The following UBE3A variants were observed in gnomAD, a reference collection of about 807,000 sequenced individuals.
UBE3A encodes the protein ubiquitin-protein ligase E3A.
UBE3A carries 6 observed loss-of-function variants against 83.4 expected under a neutral mutation model. That is an observed-to-expected ratio of 0.07 (90% CI 0.04 to 0.14). The LOEUF (loss-of-function observed/expected upper bound fraction) is 0.14. Among genes scored for constraint, UBE3A ranks in the 10% least tolerant of loss-of-function variants. UBE3A has a pLI of 1.00. For missense variants in UBE3A, 456 were observed against 1,036.1 expected, an observed-to-expected ratio of 0.44 and a Z score of 7.69; for synonymous variants, 337 against 355.4, an observed-to-expected ratio of 0.95 and a Z score of 0.58.
chr15:25,437,718 C>T (rs964450592), intron 1 of UBE3A, among the ~76,000 whole-genome samples: 4 of 152,114 alleles, frequency 2.6e-5, no homozygotes, highest in Non-Finnish European at 5.9e-5. Flanking sequence ...CCAAGCTTCA[C>T]CAGTGTCTGT....
intron 4 of UBE3A, among the ~76,000 whole-genome samples, chr15:25,400,285 G>A (rs1244258823): frequency 1.8e-4 from 27 of 152,122 alleles, no homozygotes; most frequent in Non-Finnish European, 1.3e-4. Context: ...AGGATCTCCT[G>A]TAGATACCAA....
chr15:25,409,097 G>A lies in UBE3A; in HGVS notation c.11C>T (p.Ala4Val), dbSNP rs2089386810. The A allele has an allele frequency of 6.3e-7, 1 of 1,593,714 alleles. No homozygotes were observed. The highest frequency in any genetic ancestry group is 8.6e-7 in the Non-Finnish European group (1 of 1,169,028). MAT[A>V]CKRSGEPQSD... ...AATAATTCAAAATTACCTTTTACAA[G>A]CTGTGGCCATTCGGTGACATCAGGG... Residue 4 changes from alanine (A) to valine (V), a missense_variant, in exon 3 of 13, where the codon GCT (alanine) becomes GTT (valine). This residue lies in a region of UBE3A where 23 missense variants were observed against 18.6 expected (regional missense o/e 1.24). Coordinates refer to ENST00000648336, the MANE Select transcript of UBE3A (RefSeq NM_130839.5).
intron 11 of UBE3A, among the ~76,000 whole-genome samples, chr15:25,342,934 T>C (rs903461163): frequency 3.9e-5 from 6 of 152,056 alleles, no homozygotes; most frequent in Non-Finnish European, 7.4e-5. Context: ...GAAGGCACCA[T>C]GCATGAAAGG....
At chr15:25,342,319 A>G (rs2072883163) in intron 11 of UBE3A, among the ~76,000 whole-genome samples, 3 of 152,132 alleles carry the variant, frequency 2.0e-5, no homozygotes, top group Non-Finnish European at 4.4e-5. Context: ...ACCGAAGAAC[A>G]GAGACAGACC....
intron 6 of UBE3A, among the ~76,000 whole-genome samples, chr15:25,364,459 T>C (rs1413108648): frequency 6.6e-6 from 1 of 152,176 alleles, no homozygotes; most frequent in Non-Finnish European, 1.5e-5. Flanking sequence ...TATTTAAAAT[T>C]GTATGTTGTT....
intron 3 of UBE3A, chr15:25,406,997 G>T: frequency 8.8e-7 from 1 of 1,139,616 alleles, no homozygotes; most frequent in Non-Finnish European, 1.1e-6. Flanking sequence ...TGACTTGGCT[G>T]TGACACAAAT....
At chr15:25,364,651 T>TG (rs2078750233) in intron 6 of UBE3A, among the ~76,000 whole-genome samples, 1 of 149,934 alleles carries the variant, frequency 6.7e-6, no homozygotes, top group South Asian at 2.1e-4. Context: ...GTTTGTTTTT[T>TG]TTTTTTTTTT....
At chr15:25,360,579 AAAAAACAAAAT>A in intron 6 of UBE3A, 52 bp from the exon 7 acceptor site, 2 of 1,591,354 alleles carry the variant, frequency 1.3e-6, no homozygotes. Flanking sequence ...AGTATCAGGA[AAAAAACAAAAT>A]AAAAACAAGG....
At chr15:25,415,770 T>C (rs926256126) in intron 1 of UBE3A, 5 of 149,958 alleles carry the variant, frequency 3.3e-5, no homozygotes, top group African/African-American at 7.3e-5. Flanking sequence ...TGATTGATGG[T>C]AGGGATCATC....
chr15:25,345,827 A>G (rs1395247393), intron 11 of UBE3A: 2 of 152,196 alleles, frequency 1.3e-5, no homozygotes, highest in East Asian at 1.9e-4. Context: ...ACATGACACA[A>G]CTAAGGAGTA....
In UBE3A at chr15:25,371,242, C is replaced by T; in HGVS notation, c.932G>A (p.Ser311Asn). The T allele has an allele frequency of 6.2e-7, 1 of 1,614,170 alleles. No homozygotes were observed. Among genetic ancestry groups the T allele is most frequent in the Non-Finnish European group, 8.5e-7 (1 of 1,180,030 alleles). ...TCCTTGGGCTGCAAGGGGTAGCTTG[C>T]TCATCGCTTTGCAAAATAATGGCAA... ...MALPLFCKAM[S>N]KLPLAAQGKL... is the part of the protein sequence containing the mutation. Residue 311 changes from serine (S) to asparagine (N), a missense_variant, in exon 6 of 13, where the codon AGC becomes AAC. Ser to Asn is a conservative substitution (Grantham distance 46). This residue lies in a region of UBE3A where 40 missense variants were observed against 124.8 expected (regional missense o/e 0.32). Coordinates refer to ENST00000648336, the MANE Select transcript of UBE3A (RefSeq NM_130839.5). The surrounding 1 kb of genome is among the most constrained non-coding windows in gnomAD (Gnocchi z 5.3).
rs200510893 is a variant in UBE3A at position 25,375,459 on chromosome 15, T to C, written c.361+6A>G. 1.3e-5 allele frequency: 21 copies of C among 1,613,560 alleles called. No individual in the cohort carries two copies. Among genetic ancestry groups the C allele is most frequent in the Non-Finnish European group, 1.7e-5 (20 of 1,179,872 alleles). On this transcript the variant is annotated splice_donor_region_variant and intron_variant, in intron 5 of 12. Transcript: ENST00000648336. The stretch of plus-strand genomic sequence containing the variant: ...ACAATTCTCAATTGAAAATAAAACA[T>C]CTTACCTTTAAAATCAATTCTAGCG...
chr15:25,376,491 T>A (rs892425764), intron 4 of UBE3A, among the ~76,000 whole-genome samples: 7 of 151,590 alleles, frequency 4.6e-5, no homozygotes, highest in South Asian at 2.1e-4. Flanking sequence ...ACAAACTTTT[T>A]TAAAAAAAAT....
At chr15:25,431,672 C>T (rs1170038602) in intron 1 of UBE3A, among the ~76,000 whole-genome samples, 1 of 152,042 alleles carries the variant, frequency 6.6e-6, no homozygotes, top group African/African-American at 2.4e-5. Flanking sequence ...CACCAACACA[C>T]AACATGACCA....
chr15:25,376,276 A>G (rs965134710), intron 4 of UBE3A, among the ~76,000 whole-genome samples: 1 of 152,238 alleles, frequency 6.6e-6, no homozygotes, highest in Non-Finnish European at 1.5e-5. Context: ...TATTTTTCCC[A>G]ATTATCAACA....
intron 4 of UBE3A, among the ~76,000 whole-genome samples, chr15:25,390,944 AAAAAAAAAATCT>A (rs2084217942): frequency 6.6e-6 from 1 of 152,014 alleles, no homozygotes. Context: ...TCCTGTAAAA[AAAAAAAAAATCT>A]AAAAAAAAAT....
At chr15:25,396,688 T>C (rs138448349) in intron 4 of UBE3A, among the ~76,000 whole-genome samples, 1 of 152,152 alleles carries the variant, frequency 6.6e-6, no homozygotes, top group East Asian at 1.9e-4. Context: ...AACATACGAA[T>C]AAATGAAAAG....
At chr15:25,352,196 A>G (rs1203797089) in intron 11 of UBE3A, among the ~76,000 whole-genome samples, 1 of 152,150 alleles carries the variant, frequency 6.6e-6, no homozygotes, top group Non-Finnish European at 1.5e-5. Context: ...CTGTTTAAAC[A>G]AACAAACAAA....
At chr15:25,430,474 A>C (rs1893128089) in intron 1 of UBE3A, among the ~76,000 whole-genome samples, 1 of 150,814 alleles carries the variant, frequency 6.6e-6, no homozygotes, top group Non-Finnish European at 1.5e-5. Flanking sequence ...TCTGGCACTG[A>C]CTAGCAATAT....
Sources: allele counts gnomAD v4.1 joint callset (sites outside exome capture counted in the v4.1 genomes callset), GRCh38; gene constraint gnomAD v4.1.1; regional missense constraint gnomAD v4.1.1; non-coding constraint Gnocchi (gnomAD v3.1); transcripts MANE v1.5; gene names NCBI Gene and HGNC (gene_info 2026-07-23, HGNC 2026-07-21).